ROBO2: variants seen among roughly 807,000 people sequenced by gnomAD.
ROBO2 encodes the protein roundabout homolog 2.
ROBO2 carries 53 observed loss-of-function variants against 160.8 expected under a neutral mutation model. The observed-to-expected ratio is 0.33, with a 90% confidence interval of 0.26 to 0.41. The LOEUF (loss-of-function observed/expected upper bound fraction) is 0.41. ROBO2 is among the 10% of genes least tolerant of loss of function. The pLI is 1.00. For synonymous variants in ROBO2, 664 were observed against 611.7 expected, an observed-to-expected ratio of 1.09 and a Z score of -1.26; for missense variants, 1,577 against 1,722.4, an observed-to-expected ratio of 0.92 and a Z score of 1.49.
chr3:77,622,151 T>G, intron 22 of ROBO2, 76 bp from the exon 24 acceptor site: 1 of 1,277,732 alleles, frequency 7.8e-7, no homozygotes, highest in Non-Finnish European at 1.1e-6. Flanking sequence ...TACTATAGCA[T>G]GCATTTAATT....
At chr3:76,278,319 T>C (rs957799782) in intron 2 of ROBO2, among the ~76,000 whole-genome samples, 8 of 151,986 alleles carry the variant, frequency 5.3e-5, no homozygotes, top group Admixed American at 3.9e-4. Context: ...TATAACCTTA[T>C]CAATACCTTG....
chr3:77,425,653 C>A (rs1275556985), intron 2 of ROBO2, among the ~76,000 whole-genome samples: 1 of 148,010 alleles, frequency 6.8e-6, no homozygotes, highest in East Asian at 2.0e-4. Context: ...ACCATGCTAA[C>A]GACTTCAATA....
chr3:76,900,717 T>C (rs551124072), intron 2 of ROBO2, among the ~76,000 whole-genome samples: 1 of 152,168 alleles, frequency 6.6e-6, no homozygotes, highest in Non-Finnish European at 1.5e-5. Flanking sequence ...TTCCTGTGGC[T>C]CATTTGAAGG....
chr3:77,476,727 TGCTGTTCTCC>T (rs2084052893), intron 2 of ROBO2, among the ~76,000 whole-genome samples: 1 of 152,170 alleles, frequency 6.6e-6, no homozygotes, highest in Non-Finnish European at 1.5e-5. Context: ...AGGTCCAACC[TGCTGTTCTCC>T]TTAATGAAAG....
intron 2 of ROBO2, among the ~76,000 whole-genome samples, chr3:76,969,687 C>A (rs1306099182): frequency 1.3e-5 from 2 of 152,056 alleles, no homozygotes. Context: ...TTAAAAAGAG[C>A]ATTCCAGCCT....
intron 2 of ROBO2, among the ~76,000 whole-genome samples, chr3:76,933,019 T>C (rs906703853): frequency 3.9e-5 from 6 of 152,040 alleles, no homozygotes; most frequent in African/African-American, 9.7e-5. Context: ...GATATTCTTT[T>C]TAAACCTCTG....
At chr3:77,355,998 A>G (rs554990537) in intron 2 of ROBO2, among the ~76,000 whole-genome samples, 1 of 152,116 alleles carries the variant, frequency 6.6e-6, no homozygotes, top group Non-Finnish European at 1.5e-5. Context: ...ACATATAAAA[A>G]TATGCTTATT....
intron 2 of ROBO2, among the ~76,000 whole-genome samples, chr3:75,966,407 T>C (rs1009593051): frequency 1.1e-4 from 17 of 151,882 alleles, no homozygotes; most frequent in African/African-American, 4.1e-4. Context: ...TGTTTTTAGA[T>C]CAACAGTTTT....
At chr3:76,520,097 T>A (rs2081528154) in intron 2 of ROBO2, among the ~76,000 whole-genome samples, 1 of 152,072 alleles carries the variant, frequency 6.6e-6, no homozygotes. Flanking sequence ...TTCTTCCCTT[T>A]CTCTATTACA....
At chr3:76,833,985 C>A (rs980673325) in intron 2 of ROBO2, among the ~76,000 whole-genome samples, 1 of 124,428 alleles carries the variant, frequency 8.0e-6, no homozygotes, top group Non-Finnish European at 1.7e-5. Flanking sequence ...TCTTTTCTTT[C>A]TTTCTTTCTT....
chr3:77,391,668 G>C (rs1183663551), intron 2 of ROBO2, among the ~76,000 whole-genome samples: 1 of 152,000 alleles, frequency 6.6e-6, no homozygotes, highest in Non-Finnish European at 1.5e-5. Context: ...GATTTGGGTG[G>C]GGACACAGCC....
Position 76,485,820 on chromosome 3 carries a change from C to T in ROBO2, c.109+548218C>T, listed in dbSNP as rs112177344. Among the ~76,000 whole-genome samples, 1,135 of 152,164 alleles carry T rather than the reference C, an allele frequency of 7.5e-3. 13 individuals carry two copies. The highest frequency in any genetic ancestry group is 0.025 in the African/African-American group (1,052 of 41,520). ...GCCCTCTGTAAATTAAGACTATAGTCGTGGATCTTAAAATAACAACAATTT... is the reference window on the plus strand; with the variant it reads ...GCCCTCTGTAAATTAAGACTATAGTTGTGGATCTTAAAATAACAACAATTT... On this transcript the variant is annotated intron_variant, in intron 2 of 26. Coordinates refer to the ROBO2 transcript ENST00000487694.
chr3:76,936,851 CTAGT>C (rs1427066361), intron 2 of ROBO2, among the ~76,000 whole-genome samples: 1 of 151,058 alleles, frequency 6.6e-6, no homozygotes, highest in African/African-American at 2.4e-5. Context: ...ATTGAAACAC[CTAGT>C]TAAATATATA....
At chr3:76,799,861 C>T (rs2064066331) in intron 2 of ROBO2, among the ~76,000 whole-genome samples, 2 of 152,060 alleles carry the variant, frequency 1.3e-5, no homozygotes, top group Admixed American at 1.3e-4. Context: ...ACATTCTTCA[C>T]AGAAACAGAA....
At chr3:76,616,182 G>C (rs1013025569) in intron 2 of ROBO2, among the ~76,000 whole-genome samples, 1 of 152,268 alleles carries the variant, frequency 6.6e-6, no homozygotes, top group East Asian at 1.9e-4. Context: ...ATACTCTAAT[G>C]TATTTTTTAA....
chr3:75,961,983 C>A (rs1051171914), intron 2 of ROBO2, among the ~76,000 whole-genome samples: 1 of 150,582 alleles, frequency 6.6e-6, no homozygotes, highest in Non-Finnish European at 1.5e-5. Flanking sequence ...ATTCCTTTCC[C>A]AAATATTCCA....
chr3:77,203,373 A>T (rs1446643676), intron 2 of ROBO2, among the ~76,000 whole-genome samples: 1 of 152,110 alleles, frequency 6.6e-6, no homozygotes, highest in Non-Finnish European at 1.5e-5. Context: ...GCATATTGAG[A>T]ATTTGCAAAT....
At chr3:76,272,832 T>TATATATTTTATATATAAAATATATAGA (rs1559705683) in intron 2 of ROBO2, among the ~76,000 whole-genome samples, 1 of 38,284 alleles carries the variant, frequency 2.6e-5, no homozygotes, top group South Asian at 7.4e-4. Flanking sequence ...ATATATAAAA[T>TATATATTTTATATATAAAATATATAGA]ATATATATTA....
intron 2 of ROBO2, among the ~76,000 whole-genome samples, chr3:76,396,740 A>G (rs1286074281): frequency 6.6e-6 from 1 of 152,162 alleles, no homozygotes; most frequent in Non-Finnish European, 1.5e-5. Context: ...CAAAGAGAAT[A>G]AAATACCTAG....
Sources: gnomAD v4.1 joint callset for allele counts (sites outside exome capture counted in the v4.1 genomes callset) on GRCh38, gnomAD v4.1.1 for gene constraint, MANE v1.5 for transcripts, NCBI Gene and HGNC (gene_info 2026-07-23, HGNC 2026-07-21) for gene names.